The following MAML3 variants were observed in gnomAD, a reference collection of about 807,000 sequenced individuals.
MAML3 encodes the protein mastermind-like protein 3.
MAML3 carries 27 observed loss-of-function variants against 101.9 expected under a neutral mutation model. The ratio of observed to expected loss-of-function variants is 0.27; its 90% CI spans 0.20 to 0.37. The LOEUF (loss-of-function observed/expected upper bound fraction) is 0.37, where lower values mean the gene tolerates loss of function less well. Among genes scored for constraint, MAML3 ranks in the 10% least tolerant of loss-of-function variants. MAML3 has a pLI of 1.00. For missense variants in MAML3, 1,316 were observed against 1,444.9 expected (o/e 0.91, Z 1.45); for synonymous variants, 501 against 555.9 (o/e 0.90, Z 1.39).
chr4:139,760,073 G>C (rs1288277599), intron 2 of MAML3, among the ~76,000 whole-genome samples: 1 of 152,236 alleles, frequency 6.6e-6, no homozygotes, highest in African/African-American at 2.4e-5. Flanking sequence ...ACAGTGCATA[G>C]AAGTCAAGAG....
At chr4:139,757,917 G>A (rs1253416262) in intron 2 of MAML3, among the ~76,000 whole-genome samples, 1 of 151,990 alleles carries the variant, frequency 6.6e-6, no homozygotes, top group African/African-American at 2.4e-5. Flanking sequence ...TGCCATCACC[G>A]TGGCTGGTCA....
intron 1 of MAML3, among the ~76,000 whole-genome samples, chr4:140,114,197 T>A (rs1325522421): frequency 1.3e-5 from 2 of 152,192 alleles, no homozygotes; most frequent in Admixed American, 1.3e-4. Flanking sequence ...ATAAAATCAT[T>A]CCAACTTCTG....
intron 1 of MAML3, among the ~76,000 whole-genome samples, chr4:139,912,514 T>C (rs193194998): frequency 6.6e-6 from 1 of 152,352 alleles, no homozygotes; most frequent in East Asian, 1.9e-4. Context: ...AATGATATAT[T>C]GAAGTCCTAA....
intron 1 of MAML3, among the ~76,000 whole-genome samples, chr4:139,997,062 T>C (rs1173385436): frequency 2.0e-5 from 3 of 148,936 alleles, no homozygotes; most frequent in Non-Finnish European, 3.0e-5. Context: ...TCTCAAGAAA[T>C]AATAATAATA....
chr4:139,894,261 A>T (rs961572928), intron 1 of MAML3, among the ~76,000 whole-genome samples: 5 of 152,178 alleles, frequency 3.3e-5, no homozygotes, highest in Admixed American at 3.3e-4. Context: ...CTGTAATCCC[A>T]GCACTTTGGG....
intron 1 of MAML3, among the ~76,000 whole-genome samples, chr4:139,905,883 C>A (rs1368598690): frequency 2.6e-5 from 4 of 152,188 alleles, no homozygotes; most frequent in Non-Finnish European, 5.9e-5. Flanking sequence ...TCTCCAAATA[C>A]TGTCACATTT....
At chr4:139,992,555 G>A (rs1734700765) in intron 1 of MAML3, among the ~76,000 whole-genome samples, 1 of 151,798 alleles carries the variant, frequency 6.6e-6, no homozygotes, top group Non-Finnish European at 1.5e-5. Context: ...TTTTTGAGAT[G>A]GAGTCTCACT....
chr4:140,094,311 G>C (rs910226717), intron 1 of MAML3, among the ~76,000 whole-genome samples: 7 of 152,200 alleles, frequency 4.6e-5, no homozygotes, highest in African/African-American at 1.7e-4. Flanking sequence ...AGAGGAGCAG[G>C]CCTAGCTATA....
intron 1 of MAML3, among the ~76,000 whole-genome samples, chr4:139,966,462 G>C (rs1198352248): frequency 3.3e-5 from 5 of 152,118 alleles, no homozygotes; most frequent in African/African-American, 1.2e-4. Flanking sequence ...GGTAAAACAG[G>C]CAGAATATGT....
chr4:140,064,800 G>T (rs567029067), intron 1 of MAML3, among the ~76,000 whole-genome samples: 2 of 151,910 alleles, frequency 1.3e-5, no homozygotes, highest in Admixed American at 6.6e-5. Context: ...ATCCCTACTC[G>T]CCTTACCAAA....
At chr4:140,106,341 C>T (rs1197676284) in intron 1 of MAML3, among the ~76,000 whole-genome samples, 3 of 152,114 alleles carry the variant, frequency 2.0e-5, no homozygotes, top group Admixed American at 1.3e-4. Context: ...TCATAAGCCC[C>T]CATTCTGGTC....
chr4:139,777,677 C>A (rs527275429), intron 2 of MAML3, among the ~76,000 whole-genome samples: 1 of 152,378 alleles, frequency 6.6e-6, no homozygotes, highest in South Asian at 2.1e-4. Flanking sequence ...CAGGCATGCA[C>A]CATGGTGCCC....
chr4:139,803,161 C>T lies in MAML3; in HGVS notation c.2080-72494G>A, dbSNP rs1044662017. ...GGCTCACACCTGTAGTCCTATGAGG[C>T]GGGAGAATTGCTTGAGCCTGAGAGG... On this transcript the variant is annotated intron_variant, in intron 2 of 4. Transcript: ENST00000509479. Among the ~76,000 whole-genome samples the T allele has an allele frequency of 1.1e-4, 17 of 152,160 alleles. No individual in the cohort carries two copies. In the East Asian group the frequency reaches 3.1e-3, roughly 28 times the overall value.
intron 2 of MAML3, among the ~76,000 whole-genome samples, chr4:139,738,254 C>T (rs1302508519): frequency 6.6e-6 from 1 of 152,192 alleles, no homozygotes; most frequent in Non-Finnish European, 1.5e-5. Flanking sequence ...CAAGACTTGT[C>T]ATGGTCAGGC....
At chr4:139,868,558 C>T (rs1386797193) in intron 2 of MAML3, among the ~76,000 whole-genome samples, 2 of 152,160 alleles carry the variant, frequency 1.3e-5, no homozygotes, top group Admixed American at 1.3e-4. Flanking sequence ...CTCTGCTCTG[C>T]CATTTACTAG....
chr4:140,109,384 A>G (rs752436359), intron 1 of MAML3, among the ~76,000 whole-genome samples: 2 of 152,166 alleles, frequency 1.3e-5, no homozygotes, highest in Middle Eastern at 3.2e-3. Flanking sequence ...GCTCTCTGGA[A>G]AAAGGAGGAC....
intron 1 of MAML3, among the ~76,000 whole-genome samples, chr4:140,006,545 C>G (rs1349408407): frequency 2.1e-5 from 3 of 144,314 alleles, no homozygotes; most frequent in South Asian, 2.2e-4. Context: ...GAGATGGCGC[C>G]GCTGCACGCC....
At chr4:140,110,284 G>C (rs760678193) in intron 1 of MAML3, among the ~76,000 whole-genome samples, 1 of 152,226 alleles carries the variant, frequency 6.6e-6, no homozygotes, top group Admixed American at 6.5e-5. Flanking sequence ...AGCCCCCTAC[G>C]ACTGCATGCA....
intron 1 of MAML3, among the ~76,000 whole-genome samples, chr4:140,065,251 A>G (rs1727515069): frequency 6.6e-6 from 1 of 151,992 alleles, no homozygotes; most frequent in African/African-American, 2.4e-5. Context: ...TTAAATTAAC[A>G]TTGAACACTC....
Sources: allele counts gnomAD v4.1 joint callset (sites outside exome capture counted in the v4.1 genomes callset), GRCh38; gene constraint gnomAD v4.1.1; transcripts MANE v1.5; gene names NCBI Gene and HGNC (gene_info 2026-07-23, HGNC 2026-07-21).